Variants in SMARCAL1 observed in about 807,000 individuals in gnomAD.
SMARCAL1 encodes ATP-driven annealing helicase.
Under a neutral mutation model 94.5 loss-of-function variants are expected in SMARCAL1, and 58 were observed. The observed-to-expected ratio is 0.61, with a 90% CI of 0.50 to 0.76. The LOEUF (loss-of-function observed/expected upper bound fraction) is 0.76, where lower values mean the gene tolerates loss of function less well. Ranked by LOEUF, SMARCAL1 falls within the 30% of genes least tolerant of loss-of-function variation. SMARCAL1 has a pLI of 0.00. For synonymous variants in SMARCAL1, 422 were observed against 455.1 expected, an observed-to-expected ratio of 0.93 and a Z score of 0.93; for missense variants, 1,051 against 1,177.9, an observed-to-expected ratio of 0.89 and a Z score of 1.58.
At position 216,415,421 on chromosome 2, in the gene SMARCAL1, A is replaced by G. The variant is rs1574443774; in HGVS notation, c.717A>G (p.Gly239=). The change falls in exon 3 of 18, where the codon GGA becomes GGG. Residue 239 remains glycine (G), a synonymous_variant. Transcript: ENST00000357276. ...SVQKGVNSQK[G]KCVRNGDRFQ... Reference sequence around the variant, plus strand: ...AAAAAGGAGTGAACTCTCAGAAGGGAAAGTGCGTAAGGAACGGCGATCGTT... The same window carrying G: ...AAAAAGGAGTGAACTCTCAGAAGGGGAAGTGCGTAAGGAACGGCGATCGTT... 1 of 1,614,246 alleles carries G rather than the reference A, an allele frequency of 6.2e-7. No individual in the cohort carries two copies. Among genetic ancestry groups the G allele is most frequent in the Non-Finnish European group, 8.5e-7 (1 of 1,180,044 alleles).
At chr2:216,428,572 A>G (rs748392831) in intron 6 of SMARCAL1, 24 bp from the exon 7 acceptor site, 6 of 1,611,810 alleles carry the variant, frequency 3.7e-6, no homozygotes, top group Non-Finnish European at 5.1e-6. Context: ...ACTCCAGCTC[A>G]TATGCTTCTG....
chr2:216,471,718 G>C (rs183862110), intron 14 of SMARCAL1, among the ~76,000 whole-genome samples: 1 of 152,078 alleles, frequency 6.6e-6, no homozygotes, highest in African/African-American at 2.4e-5. Context: ...AGTAAATTAA[G>C]GCGTGCACTC....
intron 12 of SMARCAL1, among the ~76,000 whole-genome samples, chr2:216,455,481 A>G (rs1027897431): frequency 2.0e-5 from 3 of 152,204 alleles, no homozygotes; most frequent in Admixed American, 6.5e-5. Flanking sequence ...TCACACGGCC[A>G]GGTACCCCTC....
At chr2:216,431,039 A>G (rs112220259) in intron 7 of SMARCAL1, among the ~76,000 whole-genome samples, 5,509 of 152,308 alleles carry the variant, frequency 0.036, 299 homozygotes, top group African/African-American at 0.12. Context: ...GAGGCCGCCA[A>G]AGCTGGGCTT....
intron 12 of SMARCAL1, among the ~76,000 whole-genome samples, chr2:216,461,053 G>GA (rs1559134592): frequency 8.6e-6 from 1 of 115,996 alleles, no homozygotes; most frequent in Admixed American, 9.2e-5. Context: ...AAACTAGAAA[G>GA]AGGTGTGTGT....
chr2:216,460,385 A>G lies in SMARCAL1; in HGVS notation c.2071-4212A>G, dbSNP rs571941460. ...CATGCTGCTGTAAAGACACATGCAT[A>G]TGTATGTTTATTGCAGCACTATTCA... On this transcript the variant is annotated intron_variant, in intron 12 of 17. Coordinates refer to ENST00000357276, the MANE Select transcript of SMARCAL1 (RefSeq NM_014140.4). 9.2e-5 allele frequency among the ~76,000 whole-genome samples: 14 copies of G among 152,334 alleles called. No homozygotes were observed. The South Asian group carries it at 2.9e-3, about 32-fold the overall frequency.
intron 8 of SMARCAL1, among the ~76,000 whole-genome samples, chr2:216,434,995 A>T (rs1051504770): frequency 2.0e-5 from 3 of 151,386 alleles, no homozygotes; most frequent in Non-Finnish European, 4.4e-5. Context: ...AGTAGCTGGG[A>T]TTACAGGCAT....
chr2:216,429,841 C>G (rs150856977), intron 7 of SMARCAL1, among the ~76,000 whole-genome samples: 1 of 152,306 alleles, frequency 6.6e-6, no homozygotes, highest in East Asian at 1.9e-4. Context: ...TTCCATCTCT[C>G]TTACATAGCA....
chr2:216,465,395 A>T (rs1694810628), intron 13 of SMARCAL1, among the ~76,000 whole-genome samples: 1 of 152,168 alleles, frequency 6.6e-6, no homozygotes, highest in Non-Finnish European at 1.5e-5. Flanking sequence ...AATTAGAAGG[A>T]AAAGCTGCCT....
intron 1 of SMARCAL1, among the ~76,000 whole-genome samples, 187 bp from the exon 2 acceptor site, chr2:216,413,669 A>G: frequency 6.7e-6 from 1 of 149,918 alleles, no homozygotes. Flanking sequence ...TCTGCTCCTT[A>G]TTTTCCCAGG....
At chr2:216,459,033 C>A (rs1486447812) in intron 12 of SMARCAL1, among the ~76,000 whole-genome samples, 1 of 151,154 alleles carries the variant, frequency 6.6e-6, no homozygotes, top group African/African-American at 2.5e-5. Context: ...TTCTTATACA[C>A]CAATAACAGA....
chr2:216,413,893 G>C lies in SMARCAL1; in HGVS notation c.-59+1G>C, dbSNP rs1045256041. The C allele has an allele frequency of 6.6e-6, 1 of 152,206 alleles. No individual in the cohort carries two copies. Among genetic ancestry groups the C allele is most frequent in the Non-Finnish European group, 1.5e-5 (1 of 68,050 alleles). 9.4% of individuals were successfully genotyped at this position (152,206 alleles called of 1,614,324 possible). A position where few individuals can be genotyped will look rare whatever the true frequency, so the allele number is the denominator to read the frequency against. On this transcript the variant is annotated splice_donor_variant, in intron 2 of 17. Transcript: ENST00000357276. LOFTEE classifies it low-confidence loss of function (5UTR_SPLICE). ...CTATGTTAGCAAGTGTCACGCCATG[G>C]TATGTGGTTGGTTGGTCTATTTCAG...
intron 7 of SMARCAL1, among the ~76,000 whole-genome samples, chr2:216,429,403 G>C (rs1215991239): frequency 6.6e-6 from 1 of 152,188 alleles, no homozygotes; most frequent in African/African-American, 2.4e-5. Context: ...GGAGGTGGCA[G>C]TTCTCCAAAA....
At chr2:216,480,944 C>T (rs555583365) in intron 17 of SMARCAL1, among the ~76,000 whole-genome samples, 2 of 152,152 alleles carry the variant, frequency 1.3e-5, no homozygotes, top group East Asian at 1.9e-4. Context: ...AGGCAGGAAG[C>T]GCAGTTGAGC....
rs116468485 is a variant in SMARCAL1, at chr2:216,477,244, C to T, written c.2528+35C>T. On this transcript the variant is annotated intron_variant, in intron 16 of 17. Transcript: ENST00000357276. ...GGTTGGGTGGCCTGGCAGTTGGAGT[C>T]GAGCAAGGGTGGAAACTGATGATAT... 2,883 of 1,434,074 alleles carry T rather than the reference C, an allele frequency of 2.0e-3. 46 individuals are homozygous for T. In the African/African-American group the frequency reaches 0.036, roughly 18 times the overall value. The allele number at this position is 1,434,074 out of a possible 1,614,324, so 88.8% of individuals were successfully genotyped here. A position where few individuals can be genotyped will look rare whatever the true frequency, so the allele number is the denominator to read the frequency against.
rs1241418118 is a variant in SMARCAL1 at position 216,420,544 on chromosome 2, G to C, written c.1096+12G>C. On this transcript the variant is annotated intron_variant, in intron 5 of 17. Coordinates refer to ENST00000357276, the MANE Select transcript of SMARCAL1 (RefSeq NM_014140.4). ...TTCCAGAAGATATGGCAAGTAATTG[G>C]TCTTTGTCTGATTCCCAGAATGTGT... 3.1e-6 allele frequency: 5 copies of C among 1,594,320 alleles called. No individual in the cohort carries two copies. Among genetic ancestry groups the C allele is most frequent in the Non-Finnish European group, 4.3e-6 (5 of 1,162,010 alleles).
Position 216,454,562 on chromosome 2 carries a change from G to A in SMARCAL1, c.2070+3498G>A, listed in dbSNP as rs1694518853. Among the ~76,000 whole-genome samples the A allele has an allele frequency of 2.0e-5, 3 of 152,242 alleles. 1 individual carries two copies. Among genetic ancestry groups the A allele is most frequent in the South Asian group, 2.1e-4 (1 of 4,828 alleles). On this transcript the variant is annotated intron_variant, in intron 12 of 17. Coordinates refer to ENST00000357276, the MANE Select transcript of SMARCAL1 (RefSeq NM_014140.4). ...TTTTTTTGCCTCAGTTTCCTAATCT[G>A]CACAGTGGTAAAGTAGTGCCTCCCT...
rs563273396 is a variant in SMARCAL1 at position 216,423,419 on chromosome 2, G to T, written c.1097-214G>T. ...CAACCCTTACAACCCAGTGTTGTCA[G>T]CATCTCTGCCTCTTTTTCCTCCCAG... On this transcript the variant is annotated intron_variant, in intron 5 of 17. Coordinates refer to ENST00000357276, the MANE Select transcript of SMARCAL1 (RefSeq NM_014140.4). Among the ~76,000 whole-genome samples the T allele has an allele frequency of 1.3e-5, 2 of 152,322 alleles. 1 individual carries two copies. The highest frequency in any genetic ancestry group is 4.1e-4 in the South Asian group (2 of 4,830).
chr2:216,438,707 G>C (rs1476903838), intron 10 of SMARCAL1, among the ~76,000 whole-genome samples: 1 of 152,112 alleles, frequency 6.6e-6, no homozygotes, highest in Non-Finnish European at 1.5e-5. Flanking sequence ...GGCAGTACTA[G>C]TAGTCAGTAG....
Sources: allele counts gnomAD v4.1 joint callset (sites outside exome capture counted in the v4.1 genomes callset), GRCh38; gene constraint gnomAD v4.1.1; transcripts MANE v1.5; gene names NCBI Gene and HGNC (gene_info 2026-07-23, HGNC 2026-07-21).